RIF1: variants seen among roughly 807,000 people sequenced by gnomAD.
The protein encoded by RIF1 is replication timing regulatory factor 1.
Under a neutral mutation model 247.1 loss-of-function variants are expected in RIF1, and 45 were observed. The observed-to-expected ratio is 0.18, with a 90% CI of 0.14 to 0.23. The LOEUF is 0.23. Among genes scored for constraint, RIF1 ranks in the 10% least tolerant of loss-of-function variants. RIF1 has a pLI of 1.00. For synonymous variants in RIF1, 1,087 were observed against 978.8 expected (o/e 1.11, Z -2.06); for missense variants, 2,967 against 2,862.5 (o/e 1.04, Z -0.83).
At chr2:151,495,294 G>A (rs1033889293) in exon 10 of RIF1, 6 of 152,164 alleles carry the variant, frequency 3.9e-5, no homozygotes, top group African/African-American at 1.4e-4. Context: ...TGTTGAAATA[G>A]TGATTCTCAA....
In RIF1 at chr2:151,410,408, C is replaced by A; in HGVS notation, c.-10-6C>A. On this transcript the variant is annotated splice_polypyrimidine_tract_variant and splice_region_variant and intron_variant, in intron 1 of 35. Transcript: ENST00000444746. The stretch of plus-strand genomic sequence containing the variant: ...GGATTTTCTCCTCTTCCGGTTCGGG[C>A]CTCAGGGTGGCCGACATGACGGCCA... 1 of 1,610,276 alleles carries A rather than the reference C, an allele frequency of 6.2e-7. No individual in the cohort carries two copies. Among genetic ancestry groups the A allele is most frequent in the Non-Finnish European group, 8.5e-7 (1 of 1,177,820 alleles).
At chr2:151,490,417 G>A in intron 9 of RIF1, 1 of 1,598,990 alleles carries the variant, frequency 6.3e-7, no homozygotes, top group South Asian at 1.1e-5. Context: ...GTCGAAAGGT[G>A]GTGGTCTGGT....
chr2:151,514,347 C>T, the RIF1 span: 1 of 1,613,484 alleles, frequency 6.2e-7, no homozygotes, highest in African/African-American at 1.3e-5. Flanking sequence ...GCATTCTTTG[C>T]TCTTAGCATG....
At chr2:151,443,748 C>CTTT (rs377346375) in intron 18 of RIF1, 39 bp downstream of exon 18, 2 of 1,154,304 alleles carry the variant, frequency 1.7e-6, no homozygotes, top group Non-Finnish European at 2.3e-6. Flanking sequence ...GATAATAGAC[C>CTTT]TTTTTTTTTT....
intron 10 of RIF1, among the ~76,000 whole-genome samples, chr2:151,433,441 TTTTA>T (rs146123161): frequency 0.011 from 1,661 of 152,184 alleles, 34 homozygotes; most frequent in African/African-American, 0.037. Flanking sequence ...CCTGAAATGT[TTTTA>T]TTTATTTATT....
intron 1 of RIF1, 135 bp downstream of exon 1, chr2:151,410,168 G>A (rs1685893166): frequency 3.1e-6 from 2 of 652,460 alleles, no homozygotes; most frequent in African/African-American, 1.8e-5. Flanking sequence ...TCTGTTGAAA[G>A]CTGCCCGGGA....
In RIF1 at chr2:151,460,067, C is replaced by A; in HGVS notation, c.3023C>A (p.Ser1008Ter). 1 of 1,574,236 alleles carries A rather than the reference C, an allele frequency of 6.4e-7. No individual in the cohort carries two copies. Among genetic ancestry groups the A allele is most frequent in the East Asian group, 2.3e-5 (1 of 43,830 alleles). The change falls in exon 26 of 36, where the codon TCA becomes TAA. Residue 1008 changes from serine to a stop codon, truncating the protein, a stop_gained. Transcript: ENST00000444746. LOFTEE classifies it high-confidence loss of function. ...AGAAAATCAAATGGAAAAAGAGATT[C>A]ATTTTTGGCACAAACAAAGAATAAA... ...MERKSNGKRD[S>*]FLAQTKNKKE... is the part of the protein sequence containing the mutation.
chr2:151,525,985 G>A, the RIF1 span: 2 of 1,613,984 alleles, frequency 1.2e-6, no homozygotes, highest in African/African-American at 2.7e-5. Context: ...TCACTTCCTT[G>A]ACGTGAACAG....
At chr2:151,507,326 G>T (rs2069989472) in intron 13 of RIF1, among the ~76,000 whole-genome samples, 1 of 152,240 alleles carries the variant, frequency 6.6e-6, no homozygotes, top group Admixed American at 6.5e-5. Flanking sequence ...GGAAGCCACT[G>T]ACAGGGTTTA....
At position 151,419,377 on chromosome 2, in the gene RIF1, G is replaced by A. The variant is rs889678212; in HGVS notation, c.504-813G>A. On this transcript the variant is annotated intron_variant, in intron 6 of 35. Coordinates refer to ENST00000444746, the MANE Select transcript of RIF1 (RefSeq NM_018151.5). ...AATCTTGCTCTGTCACCAGGCTGGA[G>A]CGCAGTGGTGAGGTCTTGGCTCACT... Among the ~76,000 whole-genome samples, 3 of 151,860 alleles carry A rather than the reference G, an allele frequency of 2.0e-5. No individual in the cohort carries two copies. The South Asian group carries it at 6.2e-4, about 32-fold the overall frequency.
At chr2:151,411,206 TA>T in intron 2 of RIF1, 53 bp from the exon 3 acceptor site, 13 of 1,028,150 alleles carry the variant, frequency 1.3e-5, no homozygotes, top group South Asian at 1.1e-4. Flanking sequence ...TTTTTGAGAG[TA>T]TTTTTTTTTT....
intron 8 of RIF1, chr2:151,423,558 C>G (rs1482925154): frequency 2.0e-5 from 3 of 153,330 alleles, no homozygotes; most frequent in East Asian, 3.8e-4. Context: ...GTTAGTGATT[C>G]ATTTGTATAA....
intron 6 of RIF1, among the ~76,000 whole-genome samples, chr2:151,419,103 CA>C (rs926714451): frequency 2.7e-5 from 4 of 150,366 alleles, no homozygotes; most frequent in African/African-American, 4.9e-5. Context: ...GAAATGTGTT[CA>C]GGGGCAGTAA....
intron 23 of RIF1, 118 bp downstream of exon 23, chr2:151,456,738 C>CT (rs1386654863): frequency 5.2e-6 from 3 of 580,838 alleles, no homozygotes; most frequent in African/African-American, 3.9e-5. Context: ...TTCTTTCTTT[C>CT]TTTTTTTCCT....
chr2:151,520,587 A>C, the RIF1 span, among the ~76,000 whole-genome samples: 2 of 152,212 alleles, frequency 1.3e-5, no homozygotes, highest in Non-Finnish European at 1.5e-5. Context: ...GATGATAGCC[A>C]GGTGTGGTGG....
At chr2:151,512,759 G>T, downstream of RIF1, 1 of 1,613,570 alleles carries the variant, frequency 6.2e-7, no homozygotes, top group Non-Finnish European at 8.5e-7. Context: ...TTGACTTGTT[G>T]GGCATGAATG....
rs1697543656 is a variant in RIF1 at position 151,469,978 on chromosome 2, T to A, written c.7095+114T>A. On this transcript the variant is annotated intron_variant, in intron 34 of 35. Coordinates refer to ENST00000444746, the MANE Select transcript of RIF1 (RefSeq NM_018151.5). ...GGCACAGGGAAATTGATTCATTTATTTTGTACTGTCTTTATGCATTGCACC... is the reference window on the plus strand; with the variant it reads ...GGCACAGGGAAATTGATTCATTTATATTGTACTGTCTTTATGCATTGCACC... 1.1e-5 allele frequency: 8 copies of A among 735,804 alleles called. No homozygotes were observed. The South Asian group carries it at 2.1e-4, about 19-fold the overall frequency. The allele number at this position is 735,804 out of a possible 1,614,324, so 45.6% of individuals were successfully genotyped here. A position where few individuals can be genotyped will look rare whatever the true frequency, so the allele number is the denominator to read the frequency against.
chr2:151,527,099 G>A, the RIF1 span: 1 of 933,902 alleles, frequency 1.1e-6, no homozygotes, highest in Non-Finnish European at 1.7e-6. Flanking sequence ...TAAACACACA[G>A]GGAGTCCTCT....
At chr2:151,458,772 A>G (rs746729640) in intron 24 of RIF1, 39 bp from the exon 25 acceptor site, 40 of 1,188,764 alleles carry the variant, frequency 3.4e-5, no homozygotes, top group Middle Eastern at 2.0e-4. Context: ...CACCAGTACT[A>G]CTTGACTTAA....
Sources: gnomAD v4.1 joint callset for allele counts (sites outside exome capture counted in the v4.1 genomes callset) on GRCh38, gnomAD v4.1.1 for gene constraint, MANE v1.5 for transcripts, NCBI Gene and HGNC (gene_info 2026-07-23, HGNC 2026-07-21) for gene names.